Variants in KCNH5 observed in about 807,000 individuals in gnomAD.
KCNH5 encodes the protein potassium voltage-gated channel subfamily H member 5.
A neutral mutation model predicts 96.1 loss-of-function variants in KCNH5; 46 were observed. The observed-to-expected ratio is 0.48, with a 90% CI of 0.38 to 0.61. KCNH5 has a LOEUF of 0.61. KCNH5 is among the 20% of genes least tolerant of loss of function. The pLI, the probability that KCNH5 is intolerant of heterozygous loss-of-function variation, is 0.00. For synonymous variants in KCNH5, 439 were observed against 449.8 expected, an observed-to-expected ratio of 0.98 and a Z score of 0.30; for missense variants, 907 against 1,225.8, an observed-to-expected ratio of 0.74 and a Z score of 3.88.
At chr14:62,840,561 T>TC (rs1392441614) in intron 8 of KCNH5, among the ~76,000 whole-genome samples, 1 of 131,912 alleles carries the variant, frequency 7.6e-6, no homozygotes, top group East Asian at 2.7e-4. Flanking sequence ...TTTTTTCTTT[T>TC]TTTTCTTTTT....
intron 8 of KCNH5, among the ~76,000 whole-genome samples, chr14:62,836,839 G>GTACT (rs1887475040): frequency 6.6e-6 from 1 of 152,136 alleles, no homozygotes; most frequent in Non-Finnish European, 1.5e-5. Flanking sequence ...AGTGCCTGAT[G>GTACT]TACTGCCTGG....
intron 6 of KCNH5, among the ~76,000 whole-genome samples, chr14:62,975,067 T>C (rs1340414283): frequency 6.6e-6 from 1 of 152,204 alleles, no homozygotes; most frequent in Non-Finnish European, 1.5e-5. Flanking sequence ...CTCCTTTCCT[T>C]GTTTTACATC....
intron 10 of KCNH5, among the ~76,000 whole-genome samples, chr14:62,743,406 A>T (rs1004022684): frequency 6.6e-6 from 1 of 152,230 alleles, no homozygotes; most frequent in Non-Finnish European, 1.5e-5. Context: ...ACGTAGAATA[A>T]ATCTATGAAA....
chr14:62,772,741 G>C (rs557639204), intron 10 of KCNH5, among the ~76,000 whole-genome samples: 43 of 151,598 alleles, frequency 2.8e-4, no homozygotes, highest in African/African-American at 9.7e-4. Flanking sequence ...TGTTAACAGA[G>C]AGTATATCAG....
At chr14:62,832,961 GTTAT>G (rs2140029320) in intron 8 of KCNH5, among the ~76,000 whole-genome samples, 1 of 148,314 alleles carries the variant, frequency 6.7e-6, no homozygotes, top group South Asian at 2.3e-4. Context: ...TTTAAATTTG[GTTAT>G]TTGTGGGTTT....
chr14:62,894,976 A>G (rs775886551), intron 7 of KCNH5, among the ~76,000 whole-genome samples: 8 of 152,238 alleles, frequency 5.3e-5, no homozygotes, highest in Admixed American at 1.3e-4. Flanking sequence ...TCAGAAACAG[A>G]GCCAAAGACC....
chr14:62,952,981 A>G (rs1171053191), intron 6 of KCNH5, among the ~76,000 whole-genome samples: 3 of 152,054 alleles, frequency 2.0e-5, no homozygotes, highest in African/African-American at 7.2e-5. Flanking sequence ...TAGTAAATAG[A>G]CATACTTGAT....
chr14:62,973,613 G>A (rs1890449543), intron 6 of KCNH5, among the ~76,000 whole-genome samples: 1 of 152,116 alleles, frequency 6.6e-6, no homozygotes, highest in Admixed American at 6.5e-5. Flanking sequence ...CCAGAGCTGT[G>A]AGAAATAAGT....
chr14:63,007,710 G>A (rs1891152795), intron 2 of KCNH5, among the ~76,000 whole-genome samples: 1 of 152,092 alleles, frequency 6.6e-6, no homozygotes, highest in Non-Finnish European at 1.5e-5. Context: ...TACATATAAT[G>A]CATTGACATT....
intron 6 of KCNH5, among the ~76,000 whole-genome samples, chr14:62,950,943 A>G (rs1169653369): frequency 1.3e-5 from 2 of 152,184 alleles, no homozygotes; most frequent in Non-Finnish European, 2.9e-5. Flanking sequence ...TTTTCCTATA[A>G]AACTTTCCCT....
At chr14:62,717,648 G>A (rs1359322600) in intron 10 of KCNH5, among the ~76,000 whole-genome samples, 2 of 152,124 alleles carry the variant, frequency 1.3e-5, no homozygotes, top group Non-Finnish European at 2.9e-5. Context: ...AACTTATAAT[G>A]GATAAAAGAC....
Position 62,950,265 on chromosome 14 carries a change from G to A in KCNH5, c.1237C>T (p.Pro413Ser). The change falls in exon 7 of 11, where the codon CCC (proline) becomes TCC (serine). Residue 413 changes from proline (P) to serine (S), a missense_variant. By Grantham distance (74) the Pro-to-Ser change is moderately conservative. This residue lies in a region of KCNH5 where 370 missense variants were observed against 561.3 expected (regional missense o/e 0.66). Transcript: ENST00000322893. ...GACACGTACAATGAATCCTTGCTGGGTCCTCCTTCCCATATCCCAGCACTG... is the reference window on the plus strand; with the variant it reads ...GACACGTACAATGAATCCTTGCTGGATCCTCCTTCCCATATCCCAGCACTG... ...NTSAGIWEGG[P>S]SKDSLYVSSL... 6.2e-7 allele frequency: 1 copy of A among 1,613,962 alleles called. No individual in the cohort carries two copies. Among genetic ancestry groups the A allele is most frequent in the Non-Finnish European group, 8.5e-7 (1 of 1,179,936 alleles).
At position 62,707,899 on chromosome 14, in the gene KCNH5, C is replaced by G. The variant is rs748149475; in HGVS notation, c.2576G>C (p.Arg859Thr). The change falls in exon 11 of 11, where the codon AGA becomes ACA. Residue 859 changes from arginine (R) to threonine (T), a missense_variant. This residue lies in a region of KCNH5 where 362 missense variants were observed against 394.4 expected (regional missense o/e 0.92). Transcript: ENST00000322893. ...SENSVTKNPL[R>T]KTDSCDSGIT... The stretch of plus-strand genomic sequence containing the variant: ...TCCACTGTCACAAGAATCTGTTTTT[C>G]TTAGTGGGTTTTTGGTCACACTGTT... 1.9e-6 allele frequency: 3 copies of G among 1,614,122 alleles called. No homozygotes were observed. The Admixed American group carries it at 5.0e-5, about 27-fold the overall frequency.
chr14:62,814,784 A>AAAAG (rs1262777777), intron 8 of KCNH5, among the ~76,000 whole-genome samples: 11 of 127,348 alleles, frequency 8.6e-5, no homozygotes, highest in African/African-American at 3.1e-4. Flanking sequence ...CTCCATCTCA[A>AAAAG]AAAAAAAAAA....
chr14:62,765,741 A>T (rs1419261893), intron 10 of KCNH5, among the ~76,000 whole-genome samples: 1 of 152,264 alleles, frequency 6.6e-6, no homozygotes, highest in Non-Finnish European at 1.5e-5. Context: ...TGAAAATACT[A>T]CAAGAAAATA....
chr14:62,776,092 C>A (rs939902653), intron 10 of KCNH5, among the ~76,000 whole-genome samples: 5 of 152,056 alleles, frequency 3.3e-5, no homozygotes, highest in African/African-American at 1.2e-4. Flanking sequence ...CATGGTGAAA[C>A]CCTGTCTCTA....
intron 8 of KCNH5, among the ~76,000 whole-genome samples, chr14:62,833,862 T>A (rs1017449054): frequency 6.6e-6 from 1 of 152,018 alleles, no homozygotes; most frequent in Non-Finnish European, 1.5e-5. Context: ...TTTAGAATCA[T>A]TATCTTGTGC....
At chr14:62,799,970 G>C (rs375395005) in intron 9 of KCNH5, among the ~76,000 whole-genome samples, 9 of 149,946 alleles carry the variant, frequency 6.0e-5, no homozygotes, top group South Asian at 2.1e-4. Context: ...GGAGGAGAAA[G>C]AAAAGGAGGA....
chr14:62,776,315 G>A (rs1202550195), intron 10 of KCNH5, among the ~76,000 whole-genome samples: 1 of 151,276 alleles, frequency 6.6e-6, no homozygotes, highest in African/African-American at 2.4e-5. Context: ...GCCCTTATAA[G>A]ACACCAATGA....
Sources: allele counts gnomAD v4.1 joint callset (sites outside exome capture counted in the v4.1 genomes callset), GRCh38; gene constraint gnomAD v4.1.1; regional missense constraint gnomAD v4.1.1; transcripts MANE v1.5; gene names NCBI Gene and HGNC (gene_info 2026-07-23, HGNC 2026-07-21).